The following EPHA6 variants were observed in gnomAD, a reference collection of about 807,000 sequenced individuals.
The protein encoded by EPHA6 is EPH receptor A6.
Under a neutral mutation model 112.0 loss-of-function variants are expected in EPHA6, and 50 were observed. That is an observed-to-expected ratio of 0.45 (90% confidence interval 0.36 to 0.56). The LOEUF is 0.56. Among genes scored for constraint, EPHA6 ranks in the 20% least tolerant of loss-of-function variants. The probability of loss-of-function intolerance (pLI) is 0.00; values close to 1 mark genes in which losing one functional copy is unlikely to be tolerated. For synonymous variants in EPHA6, 529 were observed against 490.7 expected, an observed-to-expected ratio of 1.08 and a Z score of -1.03; for missense variants, 1,280 against 1,417.4, an observed-to-expected ratio of 0.90 and a Z score of 1.56.
At chr3:97,545,761 CA>C (rs2092936672) in intron 11 of EPHA6, among the ~76,000 whole-genome samples, 1 of 152,162 alleles carries the variant, frequency 6.6e-6, no homozygotes, top group Non-Finnish European at 1.5e-5. Flanking sequence ...GTATTGGGTG[CA>C]TATATATTTA....
chr3:97,165,814 G>A (rs2076528767), intron 3 of EPHA6, among the ~76,000 whole-genome samples: 1 of 152,144 alleles, frequency 6.6e-6, no homozygotes, highest in Admixed American at 6.6e-5. Flanking sequence ...ATTGGAAGTT[G>A]AAATGGTATT....
chr3:97,601,278 G>A (rs1210680782), intron 12 of EPHA6, among the ~76,000 whole-genome samples: 2 of 152,058 alleles, frequency 1.3e-5, no homozygotes, highest in African/African-American at 4.8e-5. Flanking sequence ...AGTTAGCTGA[G>A]TCTTCATGTA....
intron 3 of EPHA6, among the ~76,000 whole-genome samples, chr3:97,199,963 G>C (rs2077538383): frequency 6.6e-6 from 1 of 152,054 alleles, no homozygotes; most frequent in Admixed American, 6.6e-5. Flanking sequence ...CTTTTAAACA[G>C]AGAAGTCTTA....
At chr3:96,861,163 G>A (rs1306674715) in intron 1 of EPHA6, among the ~76,000 whole-genome samples, 2 of 151,936 alleles carry the variant, frequency 1.3e-5, no homozygotes, top group East Asian at 1.9e-4. Context: ...AGGATCTGGA[G>A]GTTCTTGGAA....
intron 15 of EPHA6, among the ~76,000 whole-genome samples, chr3:97,732,389 G>A (rs1235950719): frequency 2.6e-5 from 4 of 151,778 alleles, no homozygotes; most frequent in Non-Finnish European, 5.9e-5. Flanking sequence ...CCTGTTCTAT[G>A]TGGCACTTCC....
intron 14 of EPHA6, 79 bp from the exon 15 acceptor site, chr3:97,720,182 A>G: frequency 7.8e-7 from 1 of 1,279,884 alleles, no homozygotes; most frequent in Non-Finnish European, 1.0e-6. Flanking sequence ...TCTTTCTAAT[A>G]AAAAATATTT....
intron 10 of EPHA6, 129 bp downstream of exon 10, chr3:97,484,188 A>T (rs979177133): frequency 1.7e-5 from 12 of 716,174 alleles, no homozygotes; most frequent in Non-Finnish European, 2.1e-5. Context: ...AAGTAAAGTG[A>T]TCTTGTATAT....
chr3:97,204,412 A>T (rs1215208352), intron 3 of EPHA6, among the ~76,000 whole-genome samples: 1 of 152,096 alleles, frequency 6.6e-6, no homozygotes, highest in Non-Finnish European at 1.5e-5. Context: ...AGATAGTTGT[A>T]CAAGACAAGT....
At chr3:96,850,369 G>A (rs1008818374) in intron 1 of EPHA6, among the ~76,000 whole-genome samples, 10 of 152,150 alleles carry the variant, frequency 6.6e-5, no homozygotes, top group South Asian at 2.1e-4. Flanking sequence ...ATATTTCATC[G>A]CCTGGAAGTG....
chr3:96,846,654 C>G (rs1156349895), intron 1 of EPHA6, among the ~76,000 whole-genome samples: 1 of 151,992 alleles, frequency 6.6e-6, no homozygotes, highest in African/African-American at 2.4e-5. Flanking sequence ...ATTAACTAAT[C>G]CATCTAGACT....
At position 97,340,959 on chromosome 3, in the gene EPHA6, A is replaced by G. The variant is rs181696248; in HGVS notation, c.1607-64191A>G. 1.9e-3 allele frequency among the ~76,000 whole-genome samples: 287 copies of G among 152,296 alleles called. 2 individuals carry two copies. Among genetic ancestry groups the G allele is most frequent in the African/African-American group, 6.4e-3 (266 of 41,558 alleles). ...GGCTGGGGGCACAACTCAATCTATGATGCCTTACTCACATTCCTTTTAAAG... is the reference window on the plus strand; with the variant it reads ...GGCTGGGGGCACAACTCAATCTATGGTGCCTTACTCACATTCCTTTTAAAG... On this transcript the variant is annotated intron_variant, in intron 5 of 17. Coordinates refer to ENST00000389672, the MANE Select transcript of EPHA6 (RefSeq NM_001080448.3).
intron 11 of EPHA6, among the ~76,000 whole-genome samples, chr3:97,563,379 A>G (rs2093218397): frequency 6.6e-6 from 1 of 152,162 alleles, no homozygotes; most frequent in Admixed American, 6.5e-5. Context: ...TGAATGTCCC[A>G]CAGAACTTCA....
intron 3 of EPHA6, among the ~76,000 whole-genome samples, chr3:97,216,144 T>C (rs74438016): frequency 0.012 from 1,900 of 152,270 alleles, 50 homozygotes; most frequent in African/African-American, 0.043. Flanking sequence ...CTTCTGGCAG[T>C]ACAAGCATGG....
At chr3:97,268,958 T>G (rs189792295) in intron 5 of EPHA6, among the ~76,000 whole-genome samples, 1 of 152,302 alleles carries the variant, frequency 6.6e-6, no homozygotes, top group Non-Finnish European at 1.5e-5. Flanking sequence ...AACTCTTGAG[T>G]TTCTAACTAT....
intron 2 of EPHA6, among the ~76,000 whole-genome samples, chr3:96,934,897 G>A (rs544721513): frequency 8.7e-5 from 13 of 150,200 alleles, no homozygotes; most frequent in African/African-American, 3.0e-4. Context: ...TTTGCTCCTA[G>A]CATTATAAAA....
intron 1 of EPHA6, among the ~76,000 whole-genome samples, chr3:96,822,807 A>G (rs997607567): frequency 1.3e-5 from 2 of 151,220 alleles, no homozygotes; most frequent in Non-Finnish European, 3.0e-5. Context: ...TTTGAGCTAC[A>G]TGAGTGTTGC....
At chr3:96,854,557 A>G (rs2035584386) in intron 1 of EPHA6, among the ~76,000 whole-genome samples, 1 of 152,068 alleles carries the variant, frequency 6.6e-6, no homozygotes, top group South Asian at 2.1e-4. Context: ...GCCTATGTTT[A>G]TTTTGATCCA....
chr3:97,009,515 C>T (rs995751913), intron 3 of EPHA6, among the ~76,000 whole-genome samples: 4 of 152,208 alleles, frequency 2.6e-5, no homozygotes, highest in African/African-American at 9.6e-5. Context: ...TGCCCTTCCC[C>T]CATCCAGGGA....
In EPHA6 at chr3:97,758,687, AG is replaced by A; in HGVS notation, c.*9987del. Among the ~76,000 whole-genome samples the A allele has an allele frequency of 6.6e-6, 1 of 152,096 alleles. No homozygotes were observed. The highest frequency in any genetic ancestry group is 2.4e-5 in the African/African-American group (1 of 41,532). On this transcript the variant is annotated 3_prime_UTR_variant, in exon 18 of 18. Coordinates refer to ENST00000389672, the MANE Select transcript of EPHA6 (RefSeq NM_001080448.3). ...CATGACTGTGGCTCCTTTAAGCGGT[AG>A]AGGAAATCTTCCCCCAAGGACATGC...
Sources: allele counts gnomAD v4.1 joint callset (sites outside exome capture counted in the v4.1 genomes callset), GRCh38; gene constraint gnomAD v4.1.1; transcripts MANE v1.5; gene names NCBI Gene and HGNC (gene_info 2026-07-23, HGNC 2026-07-21).